The following C12orf42 variants were observed in gnomAD, a reference collection of about 807,000 sequenced individuals.
C12orf42 encodes the protein chromosome 12 open reading frame 42.
In C12orf42, 25 loss-of-function variants were observed where a neutral mutation model predicts 21.6. That is an observed-to-expected ratio of 1.16 (90% CI 0.84 to 1.62). The LOEUF is 1.62. C12orf42 is among the 40% of genes most tolerant of loss of function. C12orf42 has a pLI of 0.00. For missense variants in C12orf42, 483 were observed against 459.3 expected (o/e 1.05, Z -0.47); for synonymous variants, 174 against 175.0 (o/e 0.99, Z 0.05).
chr12:103,090,114 T>C, the C12orf42 span, among the ~76,000 whole-genome samples: 2 of 152,238 alleles, frequency 1.3e-5, no homozygotes, highest in Admixed American at 1.3e-4. Flanking sequence ...TAAATTTTTC[T>C]TGCTAAGATT....
the C12orf42 span, among the ~76,000 whole-genome samples, chr12:103,134,260 A>C: frequency 2.0e-5 from 3 of 152,206 alleles, no homozygotes; most frequent in African/African-American, 7.2e-5. Context: ...ACAGATTCCT[A>C]ACAAAAAGAA....
At chr12:103,487,471 C>T (rs1954912747) in intron 1 of C12orf42, among the ~76,000 whole-genome samples, 1 of 152,176 alleles carries the variant, frequency 6.6e-6, no homozygotes, top group Non-Finnish European at 1.5e-5. Context: ...TCTATTAGGT[C>T]TACTTGGTGC....
chr12:103,266,491 T>C (rs1328031502), downstream of C12orf42, among the ~76,000 whole-genome samples: 1 of 152,156 alleles, frequency 6.6e-6, no homozygotes, highest in Non-Finnish European at 1.5e-5. Context: ...GCTATATTTG[T>C]ACCCCTTGTG....
At chr12:103,386,163 T>TA (rs2046593492) in intron 3 of C12orf42, among the ~76,000 whole-genome samples, 1 of 152,178 alleles carries the variant, frequency 6.6e-6, no homozygotes. Context: ...TCCCAGGACA[T>TA]AAATTGGCAA....
chr12:103,525,505 T>C, the C12orf42 span, among the ~76,000 whole-genome samples: 2 of 152,228 alleles, frequency 1.3e-5, no homozygotes, highest in African/African-American at 4.8e-5. Flanking sequence ...AGCTTGGCAC[T>C]GATCCAAGCA....
At chr12:103,487,901 C>G (rs1357218512) in intron 1 of C12orf42, among the ~76,000 whole-genome samples, 1 of 152,124 alleles carries the variant, frequency 6.6e-6, no homozygotes, top group Non-Finnish European at 1.5e-5. Flanking sequence ...GGTCTTGACT[C>G]TTTATCCAAT....
At chr12:103,277,284 T>C (rs2035827914) in intron 4 of C12orf42, 1 of 364,414 alleles carries the variant, frequency 2.7e-6, no homozygotes, top group African/African-American at 2.2e-5. Flanking sequence ...ATAATAAACT[T>C]ATTAATTTAT....
At position 103,439,762 on chromosome 12, in the gene C12orf42, A is replaced by G. The variant is rs1166515213; in HGVS notation, c.79-38087T>C. On this transcript the variant is annotated intron_variant, in intron 2 of 5. Coordinates refer to ENST00000548883, the MANE Select transcript of C12orf42 (RefSeq NM_198521.5). ...TCATTAAAAAGTCAGGAAACAACAG[A>G]TGCTGGAGAGGATGTGGAGAAATAG... 5.3e-5 allele frequency among the ~76,000 whole-genome samples: 8 copies of G among 152,118 alleles called. No individual in the cohort carries two copies. The East Asian group carries it at 9.7e-4, about 18-fold the overall frequency.
intron 4 of C12orf42, among the ~76,000 whole-genome samples, chr12:103,337,794 C>T (rs2041834111): frequency 6.6e-6 from 1 of 152,150 alleles, no homozygotes; most frequent in Non-Finnish European, 1.5e-5. Flanking sequence ...ATACTTACAC[C>T]ACTAAGAAGA....
chr12:103,309,951 G>T (rs2038799455), intron 4 of C12orf42, among the ~76,000 whole-genome samples: 1 of 152,212 alleles, frequency 6.6e-6, no homozygotes, highest in East Asian at 1.9e-4. Flanking sequence ...ATACCCTGGG[G>T]TGATATGTCC....
intron 2 of C12orf42, among the ~76,000 whole-genome samples, chr12:103,430,684 T>C (rs1030973195): frequency 6.6e-6 from 1 of 152,186 alleles, no homozygotes; most frequent in African/African-American, 2.4e-5. Flanking sequence ...TGCAGCACTA[T>C]TCACAATAGC....
At chr12:103,376,582 AG>A (rs933759504) in intron 3 of C12orf42, among the ~76,000 whole-genome samples, 2 of 152,156 alleles carry the variant, frequency 1.3e-5, no homozygotes, top group African/African-American at 4.8e-5. Flanking sequence ...AATTAAAAAA[AG>A]AAAATTTCCC....
chr12:103,085,103 T>C, the C12orf42 span, among the ~76,000 whole-genome samples: 1 of 152,136 alleles, frequency 6.6e-6, no homozygotes, highest in Non-Finnish European at 1.5e-5. Flanking sequence ...AATAATCTAG[T>C]GCTTAATTTT....
At chr12:103,184,468 T>C in the C12orf42 span, among the ~76,000 whole-genome samples, 1 of 152,216 alleles carries the variant, frequency 6.6e-6, no homozygotes, top group Non-Finnish European at 1.5e-5. Context: ...GTAACTAGCA[T>C]ATAATTGTCA....
At chr12:103,069,819 T>G in the C12orf42 span, among the ~76,000 whole-genome samples, 1 of 152,194 alleles carries the variant, frequency 6.6e-6, no homozygotes. Context: ...ATTATAGAAT[T>G]GCGGTTGAAG....
chr12:103,182,694 A>T, the C12orf42 span, among the ~76,000 whole-genome samples: 1,645 of 152,350 alleles, frequency 0.011, 26 homozygotes, highest in African/African-American at 0.037. Flanking sequence ...TAGGTTTAAA[A>T]GAAGTTGTTA....
intron 4 of C12orf42, among the ~76,000 whole-genome samples, chr12:103,322,118 C>A (rs779961133): frequency 8.3e-6 from 1 of 120,066 alleles, no homozygotes; most frequent in African/African-American, 3.9e-5. Context: ...TGCGTGCGCG[C>A]GCGCGCGCAC....
chr12:103,061,952 A>C, the C12orf42 span, among the ~76,000 whole-genome samples: 1 of 151,346 alleles, frequency 6.6e-6, no homozygotes, highest in Non-Finnish European at 1.5e-5. Flanking sequence ...AATATTTTTC[A>C]TTATCCATTT....
intron 4 of C12orf42, among the ~76,000 whole-genome samples, chr12:103,277,490 G>A (rs1429897543): frequency 6.6e-6 from 1 of 152,120 alleles, no homozygotes; most frequent in Non-Finnish European, 1.5e-5. Flanking sequence ...AATATGAAAA[G>A]TATTTTGATC....
Sources: gnomAD v4.1 joint callset for allele counts (sites outside exome capture counted in the v4.1 genomes callset) on GRCh38, gnomAD v4.1.1 for gene constraint, MANE v1.5 for transcripts, NCBI Gene and HGNC (gene_info 2026-07-23, HGNC 2026-07-21) for gene names.